Variants in TOP1 observed in about 807,000 individuals in gnomAD.
The protein encoded by TOP1 is DNA topoisomerase I, also known as DNA topoisomerase 1.
A neutral mutation model predicts 111.1 loss-of-function variants in TOP1; 10 were observed. The observed-to-expected ratio is 0.09, with a 90% CI of 0.06 to 0.15. The LOEUF is 0.15. Ranked by LOEUF, TOP1 falls within the 10% of genes least tolerant of loss-of-function variation. TOP1 has a pLI of 1.00. For synonymous variants in TOP1, 271 were observed against 302.9 expected (o/e 0.89, Z 1.10); for missense variants, 474 against 926.7 (o/e 0.51, Z 6.34).
At position 41,098,383 on chromosome 20, in the gene TOP1, T is replaced by C; in HGVS notation, c.975+46T>C. 1.3e-6 allele frequency: 2 copies of C among 1,591,012 alleles called. No individual in the cohort carries two copies. Among genetic ancestry groups the C allele is most frequent in the Non-Finnish European group, 1.7e-6 (2 of 1,168,208 alleles). On this transcript the variant is annotated intron_variant, in intron 11 of 20. Transcript: ENST00000361337. This position sits in a 1 kb window ranked among gnomAD's most constrained non-coding sequence, Gnocchi z 5.7. ...CCTCTGGAGAATTCTGGAATTGTGATTGGTTCATTTAACTTTCTTCTTGGT... is the reference window on the plus strand; with the variant it reads ...CCTCTGGAGAATTCTGGAATTGTGACTGGTTCATTTAACTTTCTTCTTGGT...
intron 2 of TOP1, among the ~76,000 whole-genome samples, chr20:41,048,839 A>T (rs537389956): frequency 6.9e-4 from 105 of 152,338 alleles, no homozygotes; most frequent in African/African-American, 2.3e-3. Flanking sequence ...TGAGAACCAG[A>T]GGAAGATAAG....
rs2033077514 is a variant in TOP1, at chr20:41,028,994, G to A, written c.-74G>A. The A allele has an allele frequency of 4.4e-6, 6 of 1,367,926 alleles. No homozygotes were observed. The highest frequency in any genetic ancestry group is 1.2e-5 in the South Asian group (1 of 80,258). The allele number at this position is 1,367,926 out of a possible 1,614,324, so 84.7% of individuals were successfully genotyped here. A position where few individuals can be genotyped will look rare whatever the true frequency, so the allele number is the denominator to read the frequency against. On this transcript the variant is annotated 5_prime_UTR_variant, in exon 1 of 21. Transcript: ENST00000361337. ...GAGCCTCCGGAGTCCCCGTCCGCCC[G>A]CACAGGCCGGTTCGCCGTCTGCGTC...
rs772952651 is a variant in TOP1 at position 41,122,044 on chromosome 20, A to G, written c.2084A>G (p.Glu695Gly). 1.9e-6 allele frequency: 3 copies of G among 1,614,096 alleles called. No individual in the cohort carries two copies. The highest frequency in any genetic ancestry group is 1.1e-5 in the South Asian group (1 of 91,086). Residue 695 changes from glutamate (E) to glycine (G), a missense_variant, in exon 20 of 21, where the codon GAG (glutamate) becomes GGG (glycine). By Grantham distance (98) the Glu-to-Gly change is moderately conservative. Around this residue, in one of 14 missense-constraint regions of TOP1, gnomAD observed 36 missense variants for 42.3 expected, o/e 0.85. Coordinates refer to ENST00000361337, the MANE Select transcript of TOP1 (RefSeq NM_003286.4). This position sits in a 1 kb window ranked among gnomAD's most constrained non-coding sequence, Gnocchi z 5.4. Reference sequence around the variant, plus strand: ...AAGAAGAAGGCTGTTCAGAGACTGGAGGAACAGTTGATGAAGCTGGAAGTT... The same window carrying G: ...AAGAAGAAGGCTGTTCAGAGACTGGGGGAACAGTTGATGAAGCTGGAAGTT... The part of the protein sequence containing the change: ...ESKKKAVQRL[E>G]EQLMKLEVQA...
rs1162066440 is a variant in TOP1, at chr20:41,080,519, G to A, written c.431+339G>A. On this transcript the variant is annotated intron_variant, in intron 6 of 20. Coordinates refer to ENST00000361337, the MANE Select transcript of TOP1 (RefSeq NM_003286.4). The surrounding 1 kb of genome is among the most constrained non-coding windows in gnomAD (Gnocchi z 5.0). The stretch of plus-strand genomic sequence containing the variant: ...TGCCTACCACAGATAACTTAAAGCA[G>A]TTTCTCTTAGACCTATTCCTGTCAG... Among the ~76,000 whole-genome samples, 1 of 152,120 alleles carries A rather than the reference G, an allele frequency of 6.6e-6. No homozygotes were observed. The highest frequency in any genetic ancestry group is 1.5e-5 in the Non-Finnish European group (1 of 68,002).
At chr20:41,068,670 C>T (rs2033636062) in intron 3 of TOP1, among the ~76,000 whole-genome samples, 1 of 152,164 alleles carries the variant, frequency 6.6e-6, no homozygotes, top group Non-Finnish European at 1.5e-5. Flanking sequence ...GTTGGGGTTA[C>T]AGGCATGAGC....
rs938991674 is a variant in TOP1 at position 41,067,239 on chromosome 20, C to T, written c.155+5749C>T. ...GGTTCAAGCGATTCTCCTGCCTCAG[C>T]CTCCCGAGTAGCTGGGACTTACAGG... is the stretch of plus-strand genomic sequence containing the variant. On this transcript the variant is annotated intron_variant, in intron 3 of 20. Coordinates refer to ENST00000361337, the MANE Select transcript of TOP1 (RefSeq NM_003286.4). This position sits in a 1 kb window ranked among gnomAD's most constrained non-coding sequence, Gnocchi z 4.0. 1.3e-5 allele frequency among the ~76,000 whole-genome samples: 2 copies of T among 152,108 alleles called. No homozygotes were observed. The highest frequency in any genetic ancestry group is 1.3e-4 in the Admixed American group (2 of 15,272).
At chr20:41,104,976 G>C (rs2145956605) in intron 13 of TOP1, among the ~76,000 whole-genome samples, 1 of 152,312 alleles carries the variant, frequency 6.6e-6, no homozygotes, top group East Asian at 1.9e-4. Flanking sequence ...TACAGGAATA[G>C]ATAATTATGT....
rs937143211 is a variant in TOP1 at position 41,113,895 on chromosome 20, A to C, written c.1453-75A>C. 109 of 1,257,932 alleles carry C rather than the reference A, an allele frequency of 8.7e-5. 1 individual carries two copies. Among genetic ancestry groups the C allele is most frequent in the Admixed American group, 1.9e-4 (7 of 37,828 alleles). The allele number at this position is 1,257,932 out of a possible 1,614,324, so 77.9% of individuals were successfully genotyped here. A position where few individuals can be genotyped will look rare whatever the true frequency, so the allele number is the denominator to read the frequency against. ...AGACTGTCTCAAAAAAAAAAAAAAA[A>C]AAAACACAGAACGAAATTGTGTAAG... On this transcript the variant is annotated intron_variant, in intron 14 of 20. Coordinates refer to ENST00000361337, the MANE Select transcript of TOP1 (RefSeq NM_003286.4).
Position 41,110,825 on chromosome 20 carries a change from G to C in TOP1, c.1309-1957G>C, listed in dbSNP as rs2145961964. Among the ~76,000 whole-genome samples, 1 of 152,294 alleles carries C rather than the reference G, an allele frequency of 6.6e-6. No homozygotes were observed. Among genetic ancestry groups the C allele is most frequent in the South Asian group, 2.1e-4 (1 of 4,824 alleles). Reference sequence around the variant, plus strand: ...GTGGATAGTTTATTTTCTAAAAGTAGTCAAGAAAGCTTGTTCAGGGCATTG... The same window carrying C: ...GTGGATAGTTTATTTTCTAAAAGTACTCAAGAAAGCTTGTTCAGGGCATTG... On this transcript the variant is annotated intron_variant, in intron 13 of 20. Transcript: ENST00000361337. The surrounding 1 kb of genome is among the most constrained non-coding windows in gnomAD (Gnocchi z 4.2).
At position 41,115,199 on chromosome 20, in the gene TOP1, A is replaced by G. The variant is rs894719926; in HGVS notation, c.1639-172A>G. Among the ~76,000 whole-genome samples, 2 of 152,124 alleles carry G rather than the reference A, an allele frequency of 1.3e-5. No individual in the cohort carries two copies. The highest frequency in any genetic ancestry group is 2.9e-5 in the Non-Finnish European group (2 of 68,032). ...ATACACATGGAGAGAGTGAGCATAC[A>G]TGCACACTGTGCAAATGATGAATGG... is the stretch of plus-strand genomic sequence containing the variant. On this transcript the variant is annotated intron_variant, in intron 15 of 20. Coordinates refer to ENST00000361337, the MANE Select transcript of TOP1 (RefSeq NM_003286.4). The surrounding 1 kb of genome is among the most constrained non-coding windows in gnomAD (Gnocchi z 6.3).
chr20:41,109,558 A>G lies in TOP1; in HGVS notation c.1309-3224A>G, dbSNP rs1196969916. ...AAAAGAAAATATTTGCAACATGTTT[A>G]TCTGAAAGGGCTTATATCCAGACTA... On this transcript the variant is annotated intron_variant, in intron 13 of 20. Transcript: ENST00000361337. This position sits in a 1 kb window ranked among gnomAD's most constrained non-coding sequence, Gnocchi z 4.1. 1.3e-5 allele frequency among the ~76,000 whole-genome samples: 2 copies of G among 152,214 alleles called. No individual in the cohort carries two copies. Among genetic ancestry groups the G allele is most frequent in the East Asian group, 3.8e-4 (2 of 5,208 alleles).
rs1461079623 is a variant in TOP1 at position 41,112,670 on chromosome 20, C to T, written c.1309-112C>T. The stretch of plus-strand genomic sequence containing the variant: ...CAAGCAATTCTTGTGTCTTAGCCTC[C>T]CTATTAGCTAGCTGGGATTATAGGC... On this transcript the variant is annotated intron_variant, in intron 13 of 20. Coordinates refer to ENST00000361337, the MANE Select transcript of TOP1 (RefSeq NM_003286.4). The surrounding 1 kb of genome is among the most constrained non-coding windows in gnomAD (Gnocchi z 5.8). 3 of 1,185,830 alleles carry T rather than the reference C, an allele frequency of 2.5e-6. No homozygotes were observed. Among genetic ancestry groups the T allele is most frequent in the Admixed American group, 2.4e-5 (1 of 41,950 alleles). 73.5% of individuals were successfully genotyped at this position (1,185,830 alleles called of 1,614,324 possible). A position where few individuals can be genotyped will look rare whatever the true frequency, so the allele number is the denominator to read the frequency against.
Position 41,121,176 on chromosome 20 carries a change from G to A in TOP1, c.1951-520G>A, listed in dbSNP as rs996421035. Among the ~76,000 whole-genome samples, 19 of 152,176 alleles carry A rather than the reference G, an allele frequency of 1.2e-4. No individual in the cohort carries two copies. Among genetic ancestry groups the A allele is most frequent in the Admixed American group, 1.2e-3 (19 of 15,284 alleles). ...TGTAGCCCCTTGAGTACTCTCTTCAGTGCATCCATTTTCCTTGAGAAGCTG... is the reference window on the plus strand; with the variant it reads ...TGTAGCCCCTTGAGTACTCTCTTCAATGCATCCATTTTCCTTGAGAAGCTG... On this transcript the variant is annotated intron_variant, in intron 18 of 20. Coordinates refer to ENST00000361337, the MANE Select transcript of TOP1 (RefSeq NM_003286.4). The surrounding 1 kb of genome is among the most constrained non-coding windows in gnomAD (Gnocchi z 4.2).
chr20:41,081,437 C>T (rs1272834064), intron 7 of TOP1, among the ~76,000 whole-genome samples, 197 bp downstream of exon 7: 1 of 152,142 alleles, frequency 6.6e-6, no homozygotes, highest in Admixed American at 6.6e-5. Context: ...TTAAGTTAAC[C>T]ACAACCAGCA....
intron 3 of TOP1, among the ~76,000 whole-genome samples, chr20:41,074,408 G>A (rs2033701342): frequency 6.6e-6 from 1 of 152,012 alleles, no homozygotes. Flanking sequence ...TTATTTAAAT[G>A]TGTGTCACAT....
rs538791985 is a variant in TOP1 at position 41,100,546 on chromosome 20, T to A, written c.1163+303T>A. On this transcript the variant is annotated intron_variant, in intron 12 of 20. Transcript: ENST00000361337. This position sits in a 1 kb window ranked among gnomAD's most constrained non-coding sequence, Gnocchi z 4.4. ...TAATGTCTTTTCCATGTTTATTAAGTACTTATCACATAGAGTGGCTATAAC... is the reference window on the plus strand; with the variant it reads ...TAATGTCTTTTCCATGTTTATTAAGAACTTATCACATAGAGTGGCTATAAC... The A allele has an allele frequency of 3.3e-5, 9 of 269,304 alleles. No homozygotes were observed. In the East Asian group the frequency reaches 3.9e-4, roughly 12 times the overall value. The allele number at this position is 269,304 out of a possible 1,614,324, so 16.7% of individuals were successfully genotyped here.
intron 9 of TOP1, among the ~76,000 whole-genome samples, chr20:41,093,715 T>G (rs2033947856): frequency 6.6e-6 from 1 of 152,188 alleles, no homozygotes; most frequent in Non-Finnish European, 1.5e-5. Flanking sequence ...CTGGGCAGGA[T>G]AACTGCTGAA....
intron 2 of TOP1, among the ~76,000 whole-genome samples, chr20:41,040,123 TA>T (rs2033242758): frequency 6.6e-6 from 1 of 152,228 alleles, no homozygotes; most frequent in Admixed American, 6.5e-5. Flanking sequence ...AAACTCTACT[TA>T]AAGTCCTGGG....
intron 8 of TOP1, among the ~76,000 whole-genome samples, chr20:41,087,496 A>C (rs2033863064): frequency 6.6e-6 from 1 of 152,236 alleles, no homozygotes; most frequent in Admixed American, 6.5e-5. Flanking sequence ...TCAATCTCTT[A>C]GCAAAGGTAA....
Sources: gnomAD v4.1 joint callset for allele counts (sites outside exome capture counted in the v4.1 genomes callset) on GRCh38, gnomAD v4.1.1 for gene constraint, gnomAD v4.1.1 regional missense constraint, Gnocchi (gnomAD v3.1) non-coding constraint, MANE v1.5 for transcripts, NCBI Gene and HGNC (gene_info 2026-07-23, HGNC 2026-07-21) for gene names.